Variants in EPHA6 observed in about 807,000 individuals in gnomAD.
The protein encoded by EPHA6 is EPH receptor A6, also known as ephrin type-A receptor 6.
Under a neutral mutation model 112.0 loss-of-function variants are expected in EPHA6, and 50 were observed. The observed-to-expected ratio is 0.45, with a 90% CI of 0.36 to 0.56. The LOEUF is 0.56. Among genes scored for constraint, EPHA6 ranks in the 20% least tolerant of loss-of-function variants. EPHA6 has a pLI of 0.00. For missense variants in EPHA6, 1,280 were observed against 1,417.4 expected (o/e 0.90, Z 1.56); for synonymous variants, 529 against 490.7 (o/e 1.08, Z -1.03).
chr3:97,619,414 G>A (rs1347844212), intron 13 of EPHA6, among the ~76,000 whole-genome samples: 1 of 115,760 alleles, frequency 8.6e-6, no homozygotes, highest in East Asian at 2.9e-4. Context: ...TCTATACAGA[G>A]CAATCAGACA....
At chr3:97,446,049 T>C (rs2090333622) in intron 6 of EPHA6, among the ~76,000 whole-genome samples, 1 of 152,164 alleles carries the variant, frequency 6.6e-6, no homozygotes, top group Admixed American at 6.5e-5. Context: ...GACAACACCT[T>C]TGAAATGGAG....
At chr3:97,060,273 A>T (rs2045977949) in intron 3 of EPHA6, among the ~76,000 whole-genome samples, 1 of 152,252 alleles carries the variant, frequency 6.6e-6, no homozygotes, top group African/African-American at 2.4e-5. Flanking sequence ...CTGAAGTTAA[A>T]TAATCAATAT....
chr3:97,210,578 A>G (rs910106490), intron 3 of EPHA6, among the ~76,000 whole-genome samples: 6 of 152,168 alleles, frequency 3.9e-5, no homozygotes, highest in African/African-American at 1.2e-4. Context: ...ACTTCCCTAG[A>G]TTGCAAAATA....
At chr3:97,113,639 G>A (rs774005425) in intron 3 of EPHA6, among the ~76,000 whole-genome samples, 4 of 151,964 alleles carry the variant, frequency 2.6e-5, no homozygotes, top group Non-Finnish European at 4.4e-5. Context: ...GCATACCAGA[G>A]CACCCACAAA....
At chr3:97,276,173 T>C (rs1457974659) in intron 5 of EPHA6, among the ~76,000 whole-genome samples, 1 of 151,974 alleles carries the variant, frequency 6.6e-6, no homozygotes, top group Non-Finnish European at 1.5e-5. Flanking sequence ...CCCTCCACTG[T>C]GAGAGTTACC....
chr3:97,548,033 G>A (rs575012268), intron 11 of EPHA6, among the ~76,000 whole-genome samples: 51 of 152,122 alleles, frequency 3.4e-4, no homozygotes, highest in African/African-American at 7.5e-4. Context: ...GTGACGCCTC[G>A]CCCTGCTTTG....
At chr3:96,861,895 G>A (rs1040535058) in intron 1 of EPHA6, among the ~76,000 whole-genome samples, 1 of 151,810 alleles carries the variant, frequency 6.6e-6, no homozygotes, top group Non-Finnish European at 1.5e-5. Flanking sequence ...ACCATACCAG[G>A]AGTCAACATA....
chr3:97,231,583 G>GAA (rs1339509268), intron 4 of EPHA6, among the ~76,000 whole-genome samples: 2 of 152,156 alleles, frequency 1.3e-5, no homozygotes, highest in African/African-American at 4.8e-5. Flanking sequence ...CTTTGTAGGG[G>GAA]AAAGGAAATG....
chr3:97,508,253 G>A (rs1370319919), intron 10 of EPHA6, among the ~76,000 whole-genome samples: 1 of 152,072 alleles, frequency 6.6e-6, no homozygotes, highest in Non-Finnish European at 1.5e-5. Flanking sequence ...TAATTGTGAT[G>A]TTAGGGTGTC....
In EPHA6 at chr3:97,187,675, G is replaced by GAGAA. The variant is rs1300752612; in HGVS notation, c.1115-38580_1115-38577dup. The stretch of plus-strand genomic sequence containing the variant: ...GAAAGAAAGAAAGGAAAGAAAGAAA[G>GAGAA]AGAAAGAAAGAAGGAAAGAAAGAAA... On this transcript the variant is annotated intron_variant, in intron 3 of 17. Coordinates refer to ENST00000389672, the MANE Select transcript of EPHA6 (RefSeq NM_001080448.3). Among the ~76,000 whole-genome samples, 3 of 77,110 alleles carry GAGAA rather than the reference G, an allele frequency of 3.9e-5. No individual in the cohort carries two copies. In the South Asian group the frequency reaches 1.0e-3, roughly 27 times the overall value. 50.6% of individuals were successfully genotyped at this position (77,110 alleles called of 152,430 possible). A position where few individuals can be genotyped will look rare whatever the true frequency, so the allele number is the denominator to read the frequency against.
At chr3:97,177,340 C>T (rs529310463) in intron 3 of EPHA6, among the ~76,000 whole-genome samples, 1 of 151,942 alleles carries the variant, frequency 6.6e-6, no homozygotes, top group South Asian at 2.1e-4. Context: ...GGAAAAGAAT[C>T]TGTATTCTGA....
intron 3 of EPHA6, among the ~76,000 whole-genome samples, chr3:97,086,037 C>A (rs951837935): frequency 2.7e-5 from 4 of 150,514 alleles, no homozygotes; most frequent in Non-Finnish European, 4.4e-5. Flanking sequence ...TGGGTTCAAG[C>A]GACTCTCTTG....
intron 14 of EPHA6, among the ~76,000 whole-genome samples, chr3:97,663,120 T>G (rs2094180788): frequency 6.6e-6 from 1 of 152,082 alleles, no homozygotes; most frequent in South Asian, 2.1e-4. Context: ...AAAGACTAAC[T>G]TCAGTGTAGG....
At chr3:97,392,342 C>G (rs1317559608) in intron 5 of EPHA6, among the ~76,000 whole-genome samples, 1 of 151,554 alleles carries the variant, frequency 6.6e-6, no homozygotes, top group Admixed American at 6.6e-5. Context: ...TCAAGATATA[C>G]TTCTGTTTTG....
chr3:97,708,208 G>A (rs2033782912), intron 14 of EPHA6, among the ~76,000 whole-genome samples: 1 of 152,164 alleles, frequency 6.6e-6, no homozygotes, highest in Non-Finnish European at 1.5e-5. Context: ...ATAGTGATAT[G>A]GACAATGATA....
chr3:97,346,439 C>T (rs376352051), intron 5 of EPHA6, among the ~76,000 whole-genome samples: 9 of 152,076 alleles, frequency 5.9e-5, no homozygotes, highest in Admixed American at 2.0e-4. Context: ...TCAAAGTAGA[C>T]GTTTATCCTT....
intron 2 of EPHA6, among the ~76,000 whole-genome samples, chr3:96,931,123 A>C (rs867148879): frequency 8.6e-5 from 13 of 151,670 alleles, no homozygotes; most frequent in Middle Eastern, 3.4e-3. Flanking sequence ...GGCTGGACTG[A>C]CTGAGGTACC....
chr3:97,095,570 A>G (rs1306190381), intron 3 of EPHA6, among the ~76,000 whole-genome samples: 5 of 151,990 alleles, frequency 3.3e-5, no homozygotes, highest in Non-Finnish European at 4.4e-5. Flanking sequence ...AGACTAATGA[A>G]ATTCCTGATT....
chr3:97,408,008 A>G (rs1461685665), intron 6 of EPHA6, among the ~76,000 whole-genome samples: 1 of 152,098 alleles, frequency 6.6e-6, no homozygotes, highest in African/African-American at 2.4e-5. Flanking sequence ...CAAGGTGCCA[A>G]TAGGTTTGGT....
Sources: gnomAD v4.1 joint callset for allele counts (sites outside exome capture counted in the v4.1 genomes callset) on GRCh38, gnomAD v4.1.1 for gene constraint, MANE v1.5 for transcripts, NCBI Gene and HGNC (gene_info 2026-07-23, HGNC 2026-07-21) for gene names.